The following TRMT11 variants were observed in gnomAD, a reference collection of about 807,000 sequenced individuals.
TRMT11 encodes the protein tRNA methyltransferase 11.
A neutral mutation model predicts 62.8 loss-of-function variants in TRMT11; 53 were observed. That is an observed-to-expected ratio of 0.84 (90% CI 0.68 to 1.06). TRMT11 has a LOEUF of 1.06. TRMT11 is among the 50% of genes least tolerant of loss of function. The probability of loss-of-function intolerance (pLI) is 0.00; values close to 1 mark genes in which losing one functional copy is unlikely to be tolerated. For synonymous variants in TRMT11, 188 were observed against 190.3 expected (o/e 0.99, Z 0.10); for missense variants, 556 against 553.4 (o/e 1.00, Z -0.05).
the TRMT11 span, among the ~76,000 whole-genome samples, chr6:126,232,392 T>C: frequency 6.6e-6 from 1 of 152,008 alleles, no homozygotes; most frequent in African/African-American, 2.4e-5. Flanking sequence ...AAAATATGGC[T>C]TTTATAGAAC....
At chr6:126,155,413 CCAAACT>C (rs890516427) in intron 21 of TRMT11, among the ~76,000 whole-genome samples, 1 of 152,150 alleles carries the variant, frequency 6.6e-6, no homozygotes, top group Non-Finnish European at 1.5e-5. Flanking sequence ...GGACAAACAT[CCAAACT>C]ATATCATTCT....
chr6:126,148,726 A>G (rs1026530229), intron 21 of TRMT11, among the ~76,000 whole-genome samples: 2 of 152,208 alleles, frequency 1.3e-5, no homozygotes, highest in Non-Finnish European at 2.9e-5. Flanking sequence ...TAGTCGAGTG[A>G]TTAATATAAC....
intron 21 of TRMT11, among the ~76,000 whole-genome samples, chr6:126,117,371 C>G (rs2128193019): frequency 6.6e-6 from 1 of 152,082 alleles, no homozygotes; most frequent in African/African-American, 2.4e-5. Context: ...TTTGATGAAT[C>G]TTTTTCTTTG....
chr6:126,005,106 G>A (rs559216573), intron 7 of TRMT11, among the ~76,000 whole-genome samples: 6 of 152,156 alleles, frequency 3.9e-5, no homozygotes, highest in African/African-American at 1.4e-4. Context: ...TGATCATCAT[G>A]AATTTATTGA....
the TRMT11 span, among the ~76,000 whole-genome samples, chr6:126,253,837 G>A: frequency 1.3e-5 from 2 of 152,180 alleles, no homozygotes; most frequent in Non-Finnish European, 2.9e-5. Context: ...TCTCCACTTG[G>A]ATGCTTCAAG....
chr6:126,168,715 C>G (rs1029076699), intron 21 of TRMT11, among the ~76,000 whole-genome samples: 16 of 152,170 alleles, frequency 1.1e-4, no homozygotes, highest in Admixed American at 9.2e-4. Flanking sequence ...GAAGGAGTTT[C>G]ACCCTGTTGG....
chr6:126,191,836 G>A (rs1328465342), intron 1 of TRMT11, among the ~76,000 whole-genome samples: 1 of 151,942 alleles, frequency 6.6e-6, no homozygotes, highest in Non-Finnish European at 1.5e-5. Flanking sequence ...ATGCTGTTTT[G>A]GTTATTACAG....
chr6:126,148,942 T>C (rs1173309062), intron 21 of TRMT11, among the ~76,000 whole-genome samples: 1 of 152,218 alleles, frequency 6.6e-6, no homozygotes, highest in African/African-American at 2.4e-5. Context: ...AATATTAATA[T>C]TACCTACAGA....
the TRMT11 span, among the ~76,000 whole-genome samples, chr6:126,233,147 A>C: frequency 6.6e-6 from 1 of 152,316 alleles, no homozygotes; most frequent in African/African-American, 2.4e-5. Context: ...AATTTGTACC[A>C]AATCACATTG....
intron 11 of TRMT11, among the ~76,000 whole-genome samples, chr6:126,014,713 C>G (rs980996600): frequency 6.6e-6 from 1 of 152,150 alleles, no homozygotes; most frequent in Non-Finnish European, 1.5e-5. Context: ...ATTTCGTTAT[C>G]AGCTGATAAG....
chr6:126,138,384 T>C (rs1777877026), intron 21 of TRMT11, among the ~76,000 whole-genome samples: 1 of 152,010 alleles, frequency 6.6e-6, no homozygotes, highest in African/African-American at 2.4e-5. Flanking sequence ...GTCAATTTTG[T>C]CATGCAATAT....
At chr6:126,197,868 T>C (rs551554771) in intron 1 of TRMT11, among the ~76,000 whole-genome samples, 1 of 152,206 alleles carries the variant, frequency 6.6e-6, no homozygotes, top group South Asian at 2.1e-4. Flanking sequence ...TGAAAGCTGA[T>C]AAAATCCAAG....
At chr6:126,088,566 A>G (rs987830606) in intron 17 of TRMT11, among the ~76,000 whole-genome samples, 1 of 152,220 alleles carries the variant, frequency 6.6e-6, no homozygotes, top group Admixed American at 6.5e-5. Flanking sequence ...AATCTATTCA[A>G]GATTACCTTG....
chr6:126,120,357 C>A (rs1302499013), intron 21 of TRMT11, among the ~76,000 whole-genome samples: 1 of 152,108 alleles, frequency 6.6e-6, no homozygotes, highest in East Asian at 1.9e-4. Flanking sequence ...TAGTGGTTGT[C>A]CATGGATGAT....
intron 1 of TRMT11, among the ~76,000 whole-genome samples, chr6:126,183,498 G>C (rs936497215): frequency 3.9e-5 from 6 of 152,142 alleles, no homozygotes; most frequent in African/African-American, 1.4e-4. Flanking sequence ...CTGAACAGTT[G>C]GAGTAAAGGA....
rs559915250 is a variant in TRMT11 at position 126,018,467 on chromosome 6, A to G, written c.1140-2693A>G. Among the ~76,000 whole-genome samples, 9 of 151,498 alleles carry G rather than the reference A, an allele frequency of 5.9e-5. No individual in the cohort carries two copies. In the South Asian group the frequency reaches 1.5e-3, roughly 25 times the overall value. ...AATCTAGGGGCCTATGTACACAATT[A>G]TTTTTTTTTAATTGACATAGAATTT... On this transcript the variant is annotated intron_variant, in intron 11 of 12. Coordinates refer to ENST00000334379, the MANE Select transcript of TRMT11 (RefSeq NM_001031712.3).
At chr6:126,252,532 T>C in the TRMT11 span, among the ~76,000 whole-genome samples, 13 of 152,214 alleles carry the variant, frequency 8.5e-5, no homozygotes, top group African/African-American at 3.1e-4. Flanking sequence ...TTATCATAAC[T>C]TAAGAAGGGC....
At chr6:126,052,597 A>AAT (rs1776250778) in intron 16 of TRMT11, among the ~76,000 whole-genome samples, 1 of 152,044 alleles carries the variant, frequency 6.6e-6, no homozygotes, top group Non-Finnish European at 1.5e-5. Flanking sequence ...AGCTCATGAC[A>AAT]ATGTCTTTCC....
Position 125,997,514 on chromosome 6 carries a change from G to T in TRMT11, c.213-539G>T, listed in dbSNP as rs75587708. Among the ~76,000 whole-genome samples the T allele has an allele frequency of 3.9e-5, 6 of 152,374 alleles. No homozygotes were observed. In the East Asian group the frequency reaches 1.2e-3, roughly 29 times the overall value. ...ATTGTGTGTGTGTGTCCATACGTGC[G>T]CACGCACATGCATGACAGAGTATCA... is the stretch of plus-strand genomic sequence containing the variant. On this transcript the variant is annotated intron_variant, in intron 3 of 12. Transcript: ENST00000334379.
Sources: gnomAD v4.1 joint callset for allele counts (sites outside exome capture counted in the v4.1 genomes callset) on GRCh38, gnomAD v4.1.1 for gene constraint, MANE v1.5 for transcripts, NCBI Gene and HGNC (gene_info 2026-07-23, HGNC 2026-07-21) for gene names.